The following DYDC2 variants were observed in gnomAD, a reference collection of about 807,000 sequenced individuals.
DYDC2 encodes the protein DPY30 domain-containing protein 2.
Under a neutral mutation model 18.7 loss-of-function variants are expected in DYDC2, and 19 were observed. That is an observed-to-expected ratio of 1.02 (90% confidence interval 0.71 to 1.49). The LOEUF is 1.49. Ranked by LOEUF, DYDC2 falls within the 40% of genes most tolerant of loss-of-function variation. The pLI is 0.00. For synonymous variants in DYDC2, 63 were observed against 67.6 expected (o/e 0.93, Z 0.34); for missense variants, 179 against 205.1 (o/e 0.87, Z 0.78).
chr10:80,351,350 A>G (rs1227958614), intron 1 of DYDC2, among the ~76,000 whole-genome samples: 7 of 151,314 alleles, frequency 4.6e-5, no homozygotes, highest in African/African-American at 1.7e-4. Flanking sequence ...CATCCACTCT[A>G]TTTCCTAATG....
At chr10:80,360,551 T>C (rs902799988) in intron 2 of DYDC2, among the ~76,000 whole-genome samples, 1 of 152,154 alleles carries the variant, frequency 6.6e-6, no homozygotes, top group Non-Finnish European at 1.5e-5. Flanking sequence ...AGGTGACATA[T>C]TCATAGTTTC....
At chr10:80,360,418 G>A (rs1279387393) in intron 2 of DYDC2, among the ~76,000 whole-genome samples, 2 of 152,106 alleles carry the variant, frequency 1.3e-5, no homozygotes, top group African/African-American at 4.8e-5. Context: ...CTGTCTGACC[G>A]TACTGTGTCC....
intron 1 of DYDC2, among the ~76,000 whole-genome samples, chr10:80,350,330 T>C (rs1047248558): frequency 6.6e-6 from 1 of 152,182 alleles, no homozygotes. Flanking sequence ...TATCTCCCAC[T>C]TACGATGTAA....
At chr10:80,352,581 T>A (rs1564666987), upstream of DYDC2, 1 of 1,608,950 alleles carries the variant, frequency 6.2e-7, no homozygotes, top group Non-Finnish European at 8.5e-7. Flanking sequence ...CAAGGTGCTT[T>A]TGAAGATATA....
chr10:80,347,591 C>T (rs144232381), intron 1 of DYDC2, among the ~76,000 whole-genome samples: 89 of 152,208 alleles, frequency 5.8e-4, no homozygotes, highest in Middle Eastern at 3.4e-3. Context: ...TTCAGGTCTT[C>T]CATTTAGGTC....
At chr10:80,345,338 G>A (rs1842547754) in intron 1 of DYDC2, among the ~76,000 whole-genome samples, 2 of 152,240 alleles carry the variant, frequency 1.3e-5, no homozygotes, top group South Asian at 4.1e-4. Context: ...AATTGAAGAT[G>A]CATATAATGT....
chr10:80,353,405 G>T (rs1475846424), upstream of DYDC2, among the ~76,000 whole-genome samples: 1 of 150,932 alleles, frequency 6.6e-6, no homozygotes, highest in Non-Finnish European at 1.5e-5. Flanking sequence ...CTCGTGATCC[G>T]CCCACCTCGG....
At chr10:80,356,854 AAGGGGGAACGCGCAGCAGAG>A (rs1564670030) in intron 1 of DYDC2, 29 bp downstream of exon 1, 11 of 984,400 alleles carry the variant, frequency 1.1e-5, no homozygotes, top group Non-Finnish European at 1.3e-5. Flanking sequence ...GTGGGCAGCG[AAGGGGGAACGCGCAGCAGAG>A]AGGAGAGGGC....
At chr10:80,352,465 A>G (rs1462578716), upstream of DYDC2, 4 of 1,602,730 alleles carry the variant, frequency 2.5e-6, no homozygotes, top group Non-Finnish European at 3.4e-6. Flanking sequence ...CAGTTGTTCC[A>G]TGGTCACATT....
upstream of DYDC2, chr10:80,356,773 C>T (rs1257655531): frequency 2.0e-6 from 2 of 985,400 alleles, no homozygotes; most frequent in Non-Finnish European, 2.4e-6. Context: ...AACGAGAGCT[C>T]GCGCCTCAGG....
chr10:80,354,129 A>AT (rs1554846405), upstream of DYDC2, among the ~76,000 whole-genome samples: 434 of 147,652 alleles, frequency 2.9e-3, 2 homozygotes, highest in Non-Finnish European at 3.1e-3. Flanking sequence ...TATAAAAAAA[A>AT]ATATATATAT....
chr10:80,348,791 T>A (rs1431058990), intron 1 of DYDC2, among the ~76,000 whole-genome samples: 1 of 152,228 alleles, frequency 6.6e-6, no homozygotes, highest in African/African-American at 2.4e-5. Context: ...TTAATTTAAA[T>A]TATACACACA....
chr10:80,347,054 T>C (rs1430984627), intron 1 of DYDC2, among the ~76,000 whole-genome samples: 2 of 151,272 alleles, frequency 1.3e-5, no homozygotes. Flanking sequence ...CACTCCAGCC[T>C]GGGTGAAAGA....
rs532454500 is a variant in DYDC2 at position 80,344,848 on chromosome 10, T to C, written c.-310+33T>C. 8.0e-5 allele frequency: 16 copies of C among 199,680 alleles called. No individual in the cohort carries two copies. The South Asian group carries it at 1.2e-3, about 15-fold the overall frequency. 12.4% of individuals were successfully genotyped at this position (199,680 alleles called of 1,614,324 possible). ...CAATTAAACCTCTTTTTCTTCCCAG[T>C]GTTGGGTATGTCTTTATCAGCTGCT... On this transcript the variant is annotated intron_variant, in intron 1 of 4. Transcript: ENST00000372197.
chr10:80,362,734 A>G, intron 3 of DYDC2, 144 bp downstream of exon 3: 1 of 1,395,684 alleles, frequency 7.2e-7, no homozygotes. Context: ...TCCCTGAAGC[A>G]TGGGGATCCT....
At chr10:80,360,791 G>C (rs1441157996) in intron 2 of DYDC2, among the ~76,000 whole-genome samples, 2 of 139,532 alleles carry the variant, frequency 1.4e-5, no homozygotes, top group Non-Finnish European at 3.0e-5. Flanking sequence ...ACAGGGTCTC[G>C]CTCTGTCACC....
At chr10:80,361,225 T>C (rs1159251079) in intron 2 of DYDC2, among the ~76,000 whole-genome samples, 3 of 152,228 alleles carry the variant, frequency 2.0e-5, no homozygotes, top group Non-Finnish European at 4.4e-5. Flanking sequence ...TTGGATTTAT[T>C]TGATGTTTCT....
chr10:80,351,328 G>A (rs546793544), intron 1 of DYDC2, among the ~76,000 whole-genome samples: 1 of 152,062 alleles, frequency 6.6e-6, no homozygotes, highest in South Asian at 2.1e-4. Context: ...ATGGTGAGCT[G>A]ACCCTACGAA....
intron 1 of DYDC2, among the ~76,000 whole-genome samples, chr10:80,346,444 CTTTTTTT>C (rs1032729095): frequency 0.011 from 879 of 83,358 alleles, 3 homozygotes; most frequent in African/African-American, 0.039. Context: ...TCTTCCCTTT[CTTTTTTT>C]TTTTTTTTTT....
Sources: allele counts gnomAD v4.1 joint callset (sites outside exome capture counted in the v4.1 genomes callset), GRCh38; gene constraint gnomAD v4.1.1; transcripts MANE v1.5; gene names NCBI Gene and HGNC (gene_info 2026-07-23, HGNC 2026-07-21).